The following FKBP8 variants were observed in gnomAD, a reference collection of about 807,000 sequenced individuals.
The protein encoded by FKBP8 is peptidyl-prolyl cis-trans isomerase FKBP8.
FKBP8 carries 5 observed loss-of-function variants against 41.7 expected under a neutral mutation model. That is an observed-to-expected ratio of 0.12 (90% confidence interval 0.06 to 0.25). FKBP8 has a LOEUF of 0.25. FKBP8 is among the 10% of genes least tolerant of loss of function. The pLI is 1.00. For synonymous variants in FKBP8, 279 were observed against 254.5 expected (o/e 1.10, Z -0.92); for missense variants, 397 against 563.0 (o/e 0.71, Z 2.98).
In FKBP8 at chr19:18,539,785, G is replaced by T. The variant is rs560744669; in HGVS notation, c.293-65C>A. The stretch of plus-strand genomic sequence containing the variant: ...CTCAAACAGGCACCCGCTCCCCTGA[G>T]CCCCCACTCCTACCCTCAGCTCTGC... On this transcript the variant is annotated intron_variant, in intron 2 of 8. Coordinates refer to ENST00000608443, the MANE Select transcript of FKBP8 (RefSeq NM_012181.5). 4 of 1,564,464 alleles carry T rather than the reference G, an allele frequency of 2.6e-6. No individual in the cohort carries two copies. The African/African-American group carries it at 4.0e-5, about 16-fold the overall frequency.
At chr19:18,543,076 C>T (rs1473896911) in intron 1 of FKBP8, 2 of 296,038 alleles carry the variant, frequency 6.8e-6, no homozygotes, top group Non-Finnish European at 1.3e-5. Flanking sequence ...TGTCCCCAGA[C>T]GCCCCCCCCT....
At position 18,542,028 on chromosome 19, in the gene FKBP8, TC is replaced by T. The variant is rs760545001; in HGVS notation, c.-25-34del. 1.9e-6 allele frequency: 3 copies of T among 1,580,644 alleles called. No individual in the cohort carries two copies. The Middle Eastern group carries it at 5.0e-4, about 266-fold the overall frequency. On this transcript the variant is annotated intron_variant, in intron 1 of 8. Transcript: ENST00000608443. ...TGGGGGGCAGAGATGTGGGTCAGAA[TC>T]CTACACAGCCCCTCAAAGTCTCCAC...
rs932120141 is a variant in FKBP8, at chr19:18,538,695, T to C, written c.552-259A>G. Among the ~76,000 whole-genome samples, 6 of 151,316 alleles carry C rather than the reference T, an allele frequency of 4.0e-5. No individual in the cohort carries two copies. Among genetic ancestry groups the C allele is most frequent in the Non-Finnish European group, 7.4e-5 (5 of 67,888 alleles). On this transcript the variant is annotated intron_variant, in intron 4 of 8. Transcript: ENST00000608443. This position sits in a 1 kb window ranked among gnomAD's most constrained non-coding sequence, Gnocchi z 4.0. ...CAGGTTCTCACTCTGTTGCCCGGGC[T>C]GGAGTGCAGTGGTGCAATCTTGGCT...
chr19:18,540,992 G>A (rs1185172710), intron 2 of FKBP8, among the ~76,000 whole-genome samples: 1 of 152,092 alleles, frequency 6.6e-6, no homozygotes, highest in African/African-American at 2.4e-5. Context: ...TATTACAATT[G>A]ATAGTGGTAA....
intron 6 of FKBP8, among the ~76,000 whole-genome samples, chr19:18,534,791 G>A (rs545695441): frequency 0.012 from 1,842 of 150,762 alleles, 46 homozygotes; most frequent in African/African-American, 0.043. Context: ...TATTACTATT[G>A]TTATTATTAT....
intron 6 of FKBP8, among the ~76,000 whole-genome samples, chr19:18,534,944 C>G (rs1044745934): frequency 6.6e-6 from 1 of 152,032 alleles, no homozygotes; most frequent in South Asian, 2.1e-4. Flanking sequence ...CCTACCACCA[C>G]CGGCTAATTT....
intron 7 of FKBP8, 58 bp downstream of exon 7, chr19:18,533,212 A>C: frequency 6.9e-7 from 1 of 1,450,036 alleles, no homozygotes. Context: ...GACCTGGGGC[A>C]GACCGCAGGA....
intron 1 of FKBP8, chr19:18,543,129 C>A (rs1976747383): frequency 3.6e-6 from 1 of 279,844 alleles, no homozygotes; most frequent in Non-Finnish European, 7.0e-6. Flanking sequence ...CGCCCCACAG[C>A]CCCGGCCGGG....
chr19:18,534,662 G>A (rs1409876628), intron 6 of FKBP8, among the ~76,000 whole-genome samples: 1 of 151,388 alleles, frequency 6.6e-6, no homozygotes, highest in East Asian at 1.9e-4. Flanking sequence ...GCTCACTGCA[G>A]CCTCAAACTC....
chr19:18,532,311 G>A (rs1976466924), intron 8 of FKBP8, 56 bp from the exon 9 acceptor site: 1 of 1,471,978 alleles, frequency 6.8e-7, no homozygotes, highest in African/African-American at 1.4e-5. Flanking sequence ...CTGGCCTCTG[G>A]GGCCTCAGCT....
chr19:18,536,450 C>T (rs1299193639), intron 6 of FKBP8, among the ~76,000 whole-genome samples: 2 of 152,164 alleles, frequency 1.3e-5, no homozygotes, highest in Non-Finnish European at 2.9e-5. Flanking sequence ...CCTTGACCTT[C>T]GGGGCTCAAG....
chr19:18,535,067 G>T (rs547742659), intron 6 of FKBP8, among the ~76,000 whole-genome samples: 2 of 152,262 alleles, frequency 1.3e-5, no homozygotes, highest in South Asian at 2.1e-4. Context: ...TTACAGGCAT[G>T]AGCCACCGCT....
chr19:18,532,025 G>C lies in FKBP8; in HGVS notation c.*144C>G. On this transcript the variant is annotated 3_prime_UTR_variant, in exon 9 of 9. Coordinates refer to ENST00000608443, the MANE Select transcript of FKBP8 (RefSeq NM_012181.5). ...AGGGCCTCAGTCCCTCCTGCTGGCT[G>C]GGCTGCACGACCCCCAATCCTTGCT... 1 of 704,220 alleles carries C rather than the reference G, an allele frequency of 1.4e-6. No individual in the cohort carries two copies. The highest frequency in any genetic ancestry group is 2.5e-6 in the Non-Finnish European group (1 of 402,778). 43.6% of individuals were successfully genotyped at this position (704,220 alleles called of 1,614,324 possible).
At chr19:18,541,601 C>A (rs1976700647) in intron 2 of FKBP8, 78 bp downstream of exon 2, 37 of 1,532,058 alleles carry the variant, frequency 2.4e-5, no homozygotes, top group Non-Finnish European at 3.2e-5. Flanking sequence ...CCAACCCTCA[C>A]AGCACAGATG....
rs745339783 is a variant in FKBP8 at position 18,538,277 on chromosome 19, G to A, written c.711C>T (p.Asp237=). 1 of 1,613,488 alleles carries A rather than the reference G, an allele frequency of 6.2e-7. No homozygotes were observed. Among genetic ancestry groups the A allele is most frequent in the Non-Finnish European group, 8.5e-7 (1 of 1,179,812 alleles). ...CGTAGGAGTTGGCGGCCAGGACGAA[G>A]TCCGCCCGCTGGTAGTGGGCGTTGC... ...ECGNAHYQRA[D]FVLAANSYDL... The change falls in exon 5 of 9, where the codon GAC becomes GAT. Residue 237 remains aspartate (D), a synonymous_variant. Coordinates refer to ENST00000608443, the MANE Select transcript of FKBP8 (RefSeq NM_012181.5). This position sits in a 1 kb window ranked among gnomAD's most constrained non-coding sequence, Gnocchi z 4.0.
chr19:18,540,947 G>A (rs1418924333), intron 2 of FKBP8, among the ~76,000 whole-genome samples: 1 of 151,898 alleles, frequency 6.6e-6, no homozygotes, highest in Non-Finnish European at 1.5e-5. Context: ...TTCCATCAGT[G>A]TCAATATGAT....
chr19:18,542,879 A>G (rs1976739946), intron 1 of FKBP8: 1 of 1,277,614 alleles, frequency 7.8e-7, no homozygotes, highest in African/African-American at 1.6e-5. Context: ...TCCCCTCCCT[A>G]ACCCTCACCT....
intron 6 of FKBP8, among the ~76,000 whole-genome samples, chr19:18,534,577 G>T (rs201691598): frequency 0.13 from 18,531 of 139,348 alleles, 3,603 homozygotes; most frequent in African/African-American, 0.45. Context: ...AGAGGTTGTT[G>T]TTTTTTTTTT....
intron 2 of FKBP8, among the ~76,000 whole-genome samples, chr19:18,541,009 CTTA>C (rs1378604395): frequency 2.6e-5 from 4 of 151,958 alleles, no homozygotes; most frequent in South Asian, 2.1e-4. Flanking sequence ...GTAATGATAT[CTTA>C]TTATTTGCAT....
Sources: gnomAD v4.1 joint callset for allele counts (sites outside exome capture counted in the v4.1 genomes callset) on GRCh38, gnomAD v4.1.1 for gene constraint, Gnocchi (gnomAD v3.1) non-coding constraint, MANE v1.5 for transcripts, NCBI Gene and HGNC (gene_info 2026-07-23, HGNC 2026-07-21) for gene names.